Variants in HCN2 observed in about 807,000 individuals in gnomAD.
HCN2 encodes the protein hyperpolarization activated cyclic nucleotide gated potassium and sodium channel 2, also known as potassium/sodium hyperpolarization-activated cyclic nucleotide-gated channel 2.
A neutral mutation model predicts 52.3 loss-of-function variants in HCN2; 20 were observed. The ratio of observed to expected loss-of-function variants is 0.38; its 90% CI spans 0.27 to 0.56. HCN2 has a LOEUF of 0.56. Among genes scored for constraint, HCN2 ranks in the 20% least tolerant of loss-of-function variants. The pLI is 0.71. For missense variants in HCN2, 981 were observed against 1,207.7 expected (o/e 0.81, Z 2.78); for synonymous variants, 694 against 537.0 (o/e 1.29, Z -4.04).
chr19:612,427 T>TGTGTGTGTGTGTGTGTGAGAGAGA, intron 5 of HCN2, among the ~76,000 whole-genome samples: 3 of 142,256 alleles, frequency 2.1e-5, no homozygotes, highest in African/African-American at 5.3e-5. Flanking sequence ...TGTGTGTGTG[T>TGTGTGTGTGTGTGTGTGAGAGAGA]GAGAGAGAGA....
At position 617,026 on chromosome 19, in the gene HCN2, G is replaced by C. The variant is rs957543884; in HGVS notation, c.*552G>C. 11 of 526,808 alleles carry C rather than the reference G, an allele frequency of 2.1e-5. No individual in the cohort carries two copies. The highest frequency in any genetic ancestry group is 3.8e-5 in the African/African-American group (2 of 52,266). 32.6% of individuals were successfully genotyped at this position (526,808 alleles called of 1,614,324 possible). On this transcript the variant is annotated 3_prime_UTR_variant, in exon 8 of 8. Coordinates refer to ENST00000251287, the MANE Select transcript of HCN2 (RefSeq NM_001194.4). ...GCAGGCCTGGCTGCGCAGGGCGCGG[G>C]GGGGAGGCTGGGGTCCCGCCGCCGT... is the stretch of plus-strand genomic sequence containing the variant.
chr19:599,603 C>T (rs1283892604), intron 1 of HCN2, among the ~76,000 whole-genome samples: 1 of 151,544 alleles, frequency 6.6e-6, no homozygotes, highest in Non-Finnish European at 1.5e-5. Context: ...CATGGTGAAA[C>T]CCCGTCTCTA....
chr19:613,776 C>T (rs974696879), intron 6 of HCN2, 76 bp from the exon 7 acceptor site: 10 of 1,389,066 alleles, frequency 7.2e-6, no homozygotes, highest in Admixed American at 3.3e-5. Flanking sequence ...GGTGCAGAGG[C>T]CGGGCCGTGT....
chr19:606,480 G>A (rs1983431922), intron 3 of HCN2, among the ~76,000 whole-genome samples: 1 of 152,114 alleles, frequency 6.6e-6, no homozygotes. Flanking sequence ...GGGTCACAGA[G>A]CAAGACCTGA....
chr19:603,766 G>A lies in HCN2; in HGVS notation c.855G>A (p.Lys285=). The A allele has an allele frequency of 6.2e-7, 1 of 1,612,926 alleles. No individual in the cohort carries two copies. The highest frequency in any genetic ancestry group is 8.5e-7 in the Non-Finnish European group (1 of 1,179,824). Residue 285 remains lysine (K), a synonymous_variant, in exon 2 of 8, where the codon AAG becomes AAA. Transcript: ENST00000251287. ...IILDPEKIKK[K]YLRTWFVVDF... ...TGGACCCCGAGAAGATCAAGAAGAA[G>A]TATCTGCGCACGTGGTTCGTGGTGG...
At chr19:615,705 G>C in intron 7 of HCN2, 90 bp from the exon 8 acceptor site, 1 of 1,279,824 alleles carries the variant, frequency 7.8e-7, no homozygotes, top group Non-Finnish European at 1.1e-6. Flanking sequence ...CAAGCACTGT[G>C]TGCGCACCCG....
chr19:601,341 T>C (rs1408619804), intron 1 of HCN2, among the ~76,000 whole-genome samples: 4 of 152,184 alleles, frequency 2.6e-5, no homozygotes, highest in African/African-American at 7.2e-5. Flanking sequence ...CTTCTCTCAC[T>C]GAACGTGACG....
chr19:590,437 G>A lies in HCN2; in HGVS notation c.492G>A (p.Gln164=). Reference sequence around the variant, plus strand: ...GCGGCAGCCAGGCCAGCTTCATGCAGCGCCAGTTCGGCGCGCTCCTGCAGC... The same window carrying A: ...GCGGCAGCCAGGCCAGCTTCATGCAACGCCAGTTCGGCGCGCTCCTGCAGC... The part of the protein sequence containing the change: ...EPRGSQASFM[Q]RQFGALLQPG... The change falls in exon 1 of 8, where the codon CAG becomes CAA. Residue 164 remains glutamine, a synonymous_variant. Transcript: ENST00000251287. The surrounding 1 kb of genome is among the most constrained non-coding windows in gnomAD (Gnocchi z 7.2). 1 of 1,497,006 alleles carries A rather than the reference G, an allele frequency of 6.7e-7. No individual in the cohort carries two copies. The highest frequency in any genetic ancestry group is 1.9e-5 in the Admixed American group (1 of 51,294). The allele number at this position is 1,497,006 out of a possible 1,614,324, so 92.7% of individuals were successfully genotyped here.
chr19:605,943 G>A (rs552869918), intron 3 of HCN2, among the ~76,000 whole-genome samples: 246 of 152,036 alleles, frequency 1.6e-3, no homozygotes, highest in African/African-American at 5.7e-3. Flanking sequence ...AATGTCCCTG[G>A]GGGTCTGAAA....
intron 4 of HCN2, among the ~76,000 whole-genome samples, chr19:609,950 A>AT (rs1458190779): frequency 6.6e-6 from 1 of 152,234 alleles, no homozygotes; most frequent in Non-Finnish European, 1.5e-5. Context: ...TTTGATTTAA[A>AT]TAGAAGCATG....
chr19:593,124 G>A (rs771504281), intron 1 of HCN2, among the ~76,000 whole-genome samples: 2 of 152,156 alleles, frequency 1.3e-5, no homozygotes, highest in African/African-American at 2.4e-5. Flanking sequence ...GTTCTTCCTC[G>A]CTGCCCAGCT....
intron 3 of HCN2, among the ~76,000 whole-genome samples, chr19:607,143 C>A (rs1983452362): frequency 6.6e-6 from 1 of 151,864 alleles, no homozygotes; most frequent in Non-Finnish European, 1.5e-5. Flanking sequence ...TGCACTCCAG[C>A]CTGGGCGACA....
At chr19:612,844 G>T (rs1600537039) in intron 5 of HCN2, among the ~76,000 whole-genome samples, 4 of 126,374 alleles carry the variant, frequency 3.2e-5, no homozygotes, top group South Asian at 2.5e-4. Flanking sequence ...ACGCCTGGCT[G>T]TTTTTTTTTT....
chr19:613,494 C>T lies in HCN2; in HGVS notation c.1825+6C>T, dbSNP rs1175028655. 6.7e-7 allele frequency: 1 copy of T among 1,492,848 alleles called. No homozygotes were observed. The highest frequency in any genetic ancestry group is 1.2e-5 in the South Asian group (1 of 86,854). The allele number at this position is 1,492,848 out of a possible 1,614,324, so 92.5% of individuals were successfully genotyped here. A position where few individuals can be genotyped will look rare whatever the true frequency, so the allele number is the denominator to read the frequency against. On this transcript the variant is annotated splice_donor_region_variant and intron_variant, in intron 6 of 7. Coordinates refer to ENST00000251287, the MANE Select transcript of HCN2 (RefSeq NM_001194.4). ...CGATGGCTCCTACTTCGGGGGTGAG[C>T]TTGAGGGGGGCGCGCCTGGAGGGGG...
intron 5 of HCN2, among the ~76,000 whole-genome samples, chr19:612,393 G>GGTGTGTGTGT (rs140326049): frequency 0.022 from 3,165 of 141,796 alleles, 38 homozygotes; most frequent in Admixed American, 0.034. Context: ...GCTTTCCACT[G>GGTGTGTGTGT]GTGTGTGTGT....
At chr19:610,441 C>A (rs536468405) in intron 5 of HCN2, 36 bp downstream of exon 5, 2 of 1,591,270 alleles carry the variant, frequency 1.3e-6, no homozygotes, top group Non-Finnish European at 1.7e-6. Flanking sequence ...AGGCAGCCTC[C>A]GGTACAGGGC....
At chr19:597,346 T>C (rs906175598) in intron 1 of HCN2, among the ~76,000 whole-genome samples, 1 of 152,188 alleles carries the variant, frequency 6.6e-6, no homozygotes, top group African/African-American at 2.4e-5. Context: ...GGAGGTGTGG[T>C]ACCTGCCCCC....
Position 590,541 on chromosome 19 carries a change from C to T in HCN2, c.596C>T (p.Ala199Val). Residue 199 changes from alanine (A) to valine (V), a missense_variant, in exon 1 of 8, where the codon GCG (alanine) becomes GTG (valine). By Grantham distance (64) the Ala-to-Val change is moderately conservative (BLOSUM62 0). Coordinates refer to ENST00000251287, the MANE Select transcript of HCN2 (RefSeq NM_001194.4). This position sits in a 1 kb window ranked among gnomAD's most constrained non-coding sequence, Gnocchi z 7.2. ...VEREQERVKS[A>V]GAWIIHPYSD... ...CGCGAGCAGGAGCGCGTCAAGTCGG[C>T]GGGGGCCTGGATCATCCACCCGTAC... is the stretch of plus-strand genomic sequence containing the variant. 1.3e-6 allele frequency: 2 copies of T among 1,506,066 alleles called. No individual in the cohort carries two copies. The highest frequency in any genetic ancestry group is 2.5e-5 in the South Asian group (2 of 80,930). The allele number at this position is 1,506,066 out of a possible 1,614,324, so 93.3% of individuals were successfully genotyped here. A position where few individuals can be genotyped will look rare whatever the true frequency, so the allele number is the denominator to read the frequency against.
chr19:613,779 G>A (rs1983773242), intron 6 of HCN2, 73 bp from the exon 7 acceptor site: 2 of 1,398,922 alleles, frequency 1.4e-6, no homozygotes, highest in African/African-American at 3.1e-5. Context: ...GCAGAGGCCG[G>A]GCCGTGTGCC....
Sources: allele counts gnomAD v4.1 joint callset (sites outside exome capture counted in the v4.1 genomes callset), GRCh38; gene constraint gnomAD v4.1.1; non-coding constraint Gnocchi (gnomAD v3.1); transcripts MANE v1.5; gene names NCBI Gene and HGNC (gene_info 2026-07-23, HGNC 2026-07-21).